The following UNC5D variants were observed in gnomAD, a reference collection of about 807,000 sequenced individuals.
UNC5D encodes netrin receptor UNC5D.
Under a neutral mutation model 105.4 loss-of-function variants are expected in UNC5D, and 39 were observed. The ratio of observed to expected loss-of-function variants is 0.37; its 90% CI spans 0.29 to 0.48. The LOEUF (loss-of-function observed/expected upper bound fraction) is 0.48, where lower values mean the gene tolerates loss of function less well. Among genes scored for constraint, UNC5D ranks in the 20% least tolerant of loss-of-function variants. The pLI is 0.98. For synonymous variants in UNC5D, 452 were observed against 450.4 expected (o/e 1.00, Z -0.04); for missense variants, 991 against 1,202.4 (o/e 0.82, Z 2.60).
At chr8:35,404,842 G>A (rs1334367893) in intron 1 of UNC5D, among the ~76,000 whole-genome samples, 6 of 151,996 alleles carry the variant, frequency 3.9e-5, no homozygotes, top group Non-Finnish European at 5.9e-5. Flanking sequence ...CCCTGGCCTC[G>A]GCCTCCCAAA....
At chr8:35,388,626 G>C (rs1047924359) in intron 1 of UNC5D, among the ~76,000 whole-genome samples, 1 of 151,986 alleles carries the variant, frequency 6.6e-6, no homozygotes, top group Non-Finnish European at 1.5e-5. Context: ...ATTTTTGGAG[G>C]GCATATATTC....
intron 8 of UNC5D, among the ~76,000 whole-genome samples, chr8:35,712,260 G>A (rs933611262): frequency 6.6e-6 from 1 of 152,158 alleles, no homozygotes; most frequent in African/African-American, 2.4e-5. Flanking sequence ...GACAGAGTGA[G>A]ACTCCATTTC....
chr8:35,256,548 T>C (rs1029690363), intron 1 of UNC5D: 7 of 151,730 alleles, frequency 4.6e-5, no homozygotes, highest in Non-Finnish European at 1.0e-4. Context: ...ATGCTTACCA[T>C]AAAAATGTCT....
At chr8:35,260,736 A>G (rs1342507898) in intron 1 of UNC5D, among the ~76,000 whole-genome samples, 1 of 152,146 alleles carries the variant, frequency 6.6e-6, no homozygotes. Flanking sequence ...AGTGCTAGTT[A>G]TGCCTATTAT....
At chr8:35,784,263 C>T (rs184942018) in intron 16 of UNC5D, among the ~76,000 whole-genome samples, 19 of 152,200 alleles carry the variant, frequency 1.2e-4, no homozygotes, top group Non-Finnish European at 2.4e-4. Context: ...ACCATTAGTA[C>T]TCAATGAACT....
intron 1 of UNC5D, among the ~76,000 whole-genome samples, chr8:35,469,623 CA>C (rs1288610690): frequency 6.6e-6 from 1 of 152,140 alleles, no homozygotes; most frequent in East Asian, 1.9e-4. Flanking sequence ...ACCAACTGCT[CA>C]ATTACTTTGC....
chr8:35,718,801 AG>A (rs1249753176), intron 8 of UNC5D, among the ~76,000 whole-genome samples: 4 of 152,132 alleles, frequency 2.6e-5, no homozygotes, highest in Non-Finnish European at 5.9e-5. Context: ...GGAGAGGGCT[AG>A]GGTCTAGATG....
rs528460425 is a variant in UNC5D, at chr8:35,502,013, C to T, written c.104-47279C>T. 3.9e-5 allele frequency among the ~76,000 whole-genome samples: 6 copies of T among 152,268 alleles called. No individual in the cohort carries two copies. In the South Asian group the frequency reaches 1.2e-3, roughly 32 times the overall value. ...ATAAATAAAATATGAATTTATAAGACAAGAGACTACAAAAGGGATGATGCA... is the reference window on the plus strand; with the variant it reads ...ATAAATAAAATATGAATTTATAAGATAAGAGACTACAAAAGGGATGATGCA... On this transcript the variant is annotated intron_variant, in intron 1 of 16. Coordinates refer to ENST00000404895, the MANE Select transcript of UNC5D (RefSeq NM_080872.4).
In UNC5D at chr8:35,615,045, C is replaced by T. The variant is rs57650439; in HGVS notation, c.570+19388C>T. Among the ~76,000 whole-genome samples, 12 of 127,262 alleles carry T rather than the reference C, an allele frequency of 9.4e-5. 2 individuals are homozygous for T. The highest frequency in any genetic ancestry group is 4.7e-4 in the Admixed American group (6 of 12,894). The allele number at this position is 127,262 out of a possible 152,430, so 83.5% of individuals were successfully genotyped here. On this transcript the variant is annotated intron_variant, in intron 4 of 16. Coordinates refer to ENST00000404895, the MANE Select transcript of UNC5D (RefSeq NM_080872.4). ...GGCAACATAGTGAGGGGCCCCCCCC[C>T]CCCCGTCCCCCACCCCCCGATCTCC...
At chr8:35,691,938 A>G (rs1826428358) in intron 7 of UNC5D, among the ~76,000 whole-genome samples, 1 of 152,316 alleles carries the variant, frequency 6.6e-6, no homozygotes, top group East Asian at 1.9e-4. Flanking sequence ...TTAAATGGGT[A>G]TGCTTCAGAA....
chr8:35,692,513 A>G (rs1040938845), intron 7 of UNC5D, among the ~76,000 whole-genome samples: 12 of 152,220 alleles, frequency 7.9e-5, no homozygotes, highest in Non-Finnish European at 1.8e-4. Context: ...TTTATGGAAT[A>G]CTTCTTTTGT....
At chr8:35,723,073 A>G (rs1334470503) in intron 9 of UNC5D, among the ~76,000 whole-genome samples, 1 of 152,236 alleles carries the variant, frequency 6.6e-6, no homozygotes, top group Non-Finnish European at 1.5e-5. Context: ...AAACATACAC[A>G]GCTTTCATTT....
At chr8:35,664,182 T>C (rs2131246076) in intron 4 of UNC5D, among the ~76,000 whole-genome samples, 1 of 152,296 alleles carries the variant, frequency 6.6e-6, no homozygotes, top group South Asian at 2.1e-4. Context: ...TTTTATAGTT[T>C]TACCTATAAA....
At chr8:35,266,632 C>T (rs1309357400) in intron 1 of UNC5D, among the ~76,000 whole-genome samples, 1 of 152,174 alleles carries the variant, frequency 6.6e-6, no homozygotes, top group Admixed American at 6.5e-5. Flanking sequence ...AGGAATTCAG[C>T]AGAGTGCAAT....
At chr8:35,430,530 A>G (rs1392496751) in intron 1 of UNC5D, among the ~76,000 whole-genome samples, 1 of 152,138 alleles carries the variant, frequency 6.6e-6, no homozygotes, top group Admixed American at 6.6e-5. Flanking sequence ...AAATGAAACA[A>G]CCTGGGGATC....
At chr8:35,640,113 A>G (rs1221451790) in intron 4 of UNC5D, among the ~76,000 whole-genome samples, 1 of 152,110 alleles carries the variant, frequency 6.6e-6, no homozygotes, top group African/African-American at 2.4e-5. Context: ...TCTTCATAAA[A>G]TTTTAATTTT....
chr8:35,775,016 G>C (rs544161795), intron 16 of UNC5D, among the ~76,000 whole-genome samples: 85 of 151,680 alleles, frequency 5.6e-4, no homozygotes, highest in Non-Finnish European at 1.0e-3. Flanking sequence ...CTTTGGTTCT[G>C]GTACCATCTC....
chr8:35,778,396 C>A (rs943094421), intron 16 of UNC5D, among the ~76,000 whole-genome samples: 1 of 152,184 alleles, frequency 6.6e-6, no homozygotes, highest in African/African-American at 2.4e-5. Context: ...TCTGTCACAA[C>A]TTCCCATTGT....
chr8:35,525,515 A>G, intron 1 of UNC5D: 6 of 1,612,274 alleles, frequency 3.7e-6, no homozygotes, highest in South Asian at 2.2e-5. Context: ...GCTTACTAAC[A>G]TTGAGTGAAG....
Sources: gnomAD v4.1 joint callset for allele counts (sites outside exome capture counted in the v4.1 genomes callset) on GRCh38, gnomAD v4.1.1 for gene constraint, MANE v1.5 for transcripts, NCBI Gene and HGNC (gene_info 2026-07-23, HGNC 2026-07-21) for gene names.